Variants in HECTD4 observed in about 807,000 individuals in gnomAD.
The protein encoded by HECTD4 is HECT domain E3 ubiquitin protein ligase 4.
A neutral mutation model predicts 471.5 loss-of-function variants in HECTD4; 114 were observed. The observed-to-expected ratio is 0.24, with a 90% CI of 0.21 to 0.28. The LOEUF is 0.28. HECTD4 is among the 10% of genes least tolerant of loss of function. HECTD4 has a pLI of 1.00. For missense variants in HECTD4, 3,866 were observed against 5,651.5 expected (o/e 0.68, Z 10.13); for synonymous variants, 2,012 against 2,256.0 (o/e 0.89, Z 3.07).
intron 1 of HECTD4, among the ~76,000 whole-genome samples, chr12:112,374,468 A>C (rs930073634): frequency 6.6e-6 from 1 of 152,026 alleles, no homozygotes; most frequent in Non-Finnish European, 1.5e-5. Flanking sequence ...GCCCTCAAAT[A>C]CTTCATTCTC....
intron 1 of HECTD4, among the ~76,000 whole-genome samples, chr12:112,326,490 C>A (rs910180095): frequency 1.3e-5 from 2 of 152,012 alleles, no homozygotes; most frequent in African/African-American, 2.4e-5. Flanking sequence ...GAGACCCTGT[C>A]TCAAAAACAA....
At chr12:112,376,246 T>C (rs1427358591) in intron 1 of HECTD4, among the ~76,000 whole-genome samples, 1 of 151,908 alleles carries the variant, frequency 6.6e-6, no homozygotes, top group Non-Finnish European at 1.5e-5. Context: ...TCTGCATTCT[T>C]TTTTTTTGTT....
rs1279540243 is a variant in HECTD4 at position 112,319,567 on chromosome 12, G to A, written c.353C>T (p.Ser118Leu). The change falls in exon 2 of 76, where the codon TCA becomes TTA. Residue 118 changes from serine (S) to leucine (L), a missense_variant. Physicochemically the swap from Ser to Leu is moderately radical, Grantham distance 145. Transcript: ENST00000682272. The surrounding 1 kb of genome is among the most constrained non-coding windows in gnomAD (Gnocchi z 5.3). ...ALEEQHERESSGDEETLALLK... is the reference protein window; with the variant it reads ...ALEEQHERESLGDEETLALLK... The stretch of plus-strand genomic sequence containing the variant: ...CAGGGCCAAAGTTTCCTCATCACCT[G>A]AACTTTCCCTTTCATGCTGTTCTTC... The A allele has an allele frequency of 7.0e-7, 1 of 1,434,592 alleles. No individual in the cohort carries two copies. The highest frequency in any genetic ancestry group is 2.8e-5 in the Admixed American group (1 of 35,286). The allele number at this position is 1,434,592 out of a possible 1,614,324, so 88.9% of individuals were successfully genotyped here.
Position 112,163,636 on chromosome 12 carries a change from G to A in HECTD4, c.12803C>T (p.Ser4268Phe). The A allele has an allele frequency of 6.5e-7, 1 of 1,541,844 alleles. No homozygotes were observed. The highest frequency in any genetic ancestry group is 8.7e-7 in the Non-Finnish European group (1 of 1,143,656). ...CVTAVRAGLG[S>F]IIPLQLLTML... is the part of the protein sequence containing the mutation. ...GGTCAGCAGCTGCAGGGGGATGATG[G>A]AGCCCAGGCCGGCCCGCACGGCCGT... The change falls in exon 74 of 76, where the codon TCC becomes TTC. Residue 4268 changes from serine (S) to phenylalanine (F), a missense_variant. Coordinates refer to ENST00000682272, the MANE Select transcript of HECTD4 (RefSeq NM_001388303.1). The surrounding 1 kb of genome is among the most constrained non-coding windows in gnomAD (Gnocchi z 8.2).
chr12:112,256,005 G>A (rs983059278), intron 21 of HECTD4, among the ~76,000 whole-genome samples: 1 of 152,174 alleles, frequency 6.6e-6, no homozygotes, highest in East Asian at 1.9e-4. Context: ...CTTCAAGCAC[G>A]GAGGGAGGGC....
chr12:112,208,749 C>A lies in HECTD4; in HGVS notation c.7868-119G>T, dbSNP rs904354816. The A allele has an allele frequency of 1.5e-5, 11 of 749,072 alleles. No individual in the cohort carries two copies. In the Admixed American group the frequency reaches 2.6e-4, roughly 17 times the overall value. The allele number at this position is 749,072 out of a possible 1,614,324, so 46.4% of individuals were successfully genotyped here. A position where few individuals can be genotyped will look rare whatever the true frequency, so the allele number is the denominator to read the frequency against. ...TTGCATGATAGGAAGACTCCTAGTA[C>A]ACTGAGGAATGTTAAATCACAGAGT... On this transcript the variant is annotated intron_variant, in intron 50 of 75. Coordinates refer to ENST00000682272, the MANE Select transcript of HECTD4 (RefSeq NM_001388303.1).
chr12:112,259,924 C>T (rs1031154424), intron 18 of HECTD4, among the ~76,000 whole-genome samples: 13 of 152,026 alleles, frequency 8.6e-5, no homozygotes, highest in Non-Finnish European at 5.9e-5. Flanking sequence ...CATGCAGAAG[C>T]AGGCAGATTT....
At chr12:112,201,010 T>A in intron 54 of HECTD4, 1 of 594,412 alleles carries the variant, frequency 1.7e-6, no homozygotes, top group Non-Finnish European at 3.0e-6. Flanking sequence ...AAACACATAT[T>A]ATAAGTAATC....
At chr12:112,362,933 C>T (rs2036480935) in intron 1 of HECTD4, among the ~76,000 whole-genome samples, 1 of 152,134 alleles carries the variant, frequency 6.6e-6, no homozygotes, top group African/African-American at 2.4e-5. Context: ...AATTCCCGAC[C>T]TCATGTGGTC....
rs2033466482 is a variant in HECTD4 at position 112,234,990 on chromosome 12, C to T, written c.5915+87G>A. The stretch of plus-strand genomic sequence containing the variant: ...GGGGTGTAAAGAGGGCCGAGGCAGT[C>T]GATACATGTACAGGGCTTACTTAGC... On this transcript the variant is annotated intron_variant, in intron 37 of 75. Coordinates refer to ENST00000682272, the MANE Select transcript of HECTD4 (RefSeq NM_001388303.1). The T allele has an allele frequency of 2.3e-5, 28 of 1,215,968 alleles. 1 individual carries two copies. The highest frequency in any genetic ancestry group is 2.6e-5 in the Non-Finnish European group (23 of 879,456). 75.3% of individuals were successfully genotyped at this position (1,215,968 alleles called of 1,614,324 possible).
At chr12:112,301,811 T>A (rs201021101) in intron 7 of HECTD4, 1 of 562,592 alleles carries the variant, frequency 1.8e-6, no homozygotes. Context: ...TTTTTTTTTT[T>A]AAGGAAAATT....
At chr12:112,234,632 T>C (rs1026908804) in intron 37 of HECTD4, among the ~76,000 whole-genome samples, 7 of 152,230 alleles carry the variant, frequency 4.6e-5, no homozygotes, top group Non-Finnish European at 7.3e-5. Context: ...ATACTTCAAC[T>C]AATTAAAGAT....
chr12:112,216,873 C>T lies in HECTD4; in HGVS notation c.7285G>A (p.Asp2429Asn), dbSNP rs749595186. ...GAAACTATGGGTCCGGTGTCATCAT[C>T]GGTGTCTCCATAGGAAACGATTTCA... ...EIEIVSYGDTDDDTGPIVSFG... is the reference protein window; with the variant it reads ...EIEIVSYGDTNDDTGPIVSFG... Residue 2429 changes from aspartate (D) to asparagine (N), a missense_variant, in exon 47 of 76, where the codon GAT becomes AAT. Coordinates refer to ENST00000682272, the MANE Select transcript of HECTD4 (RefSeq NM_001388303.1). 18 of 1,613,906 alleles carry T rather than the reference C, an allele frequency of 1.1e-5. No homozygotes were observed. Among genetic ancestry groups the T allele is most frequent in the African/African-American group, 6.7e-5 (5 of 74,942 alleles).
intron 13 of HECTD4, among the ~76,000 whole-genome samples, chr12:112,268,007 G>T (rs769797578): frequency 6.6e-6 from 1 of 152,030 alleles, no homozygotes; most frequent in Non-Finnish European, 1.5e-5. Flanking sequence ...TACTTTTTTT[G>T]TAGAGACAAG....
chr12:112,232,743 T>C (rs2033412432), intron 38 of HECTD4, among the ~76,000 whole-genome samples: 1 of 152,190 alleles, frequency 6.6e-6, no homozygotes, highest in African/African-American at 2.4e-5. Flanking sequence ...TTAAACTATT[T>C]TCAACTTCAA....
chr12:112,331,187 C>T (rs1263005311), intron 1 of HECTD4, among the ~76,000 whole-genome samples: 1 of 152,152 alleles, frequency 6.6e-6, no homozygotes, highest in African/African-American at 2.4e-5. Flanking sequence ...TCTCATGCCT[C>T]AATCTCCCTA....
At chr12:112,212,363 C>A in intron 49 of HECTD4, 124 bp downstream of exon 49, 1 of 757,574 alleles carries the variant, frequency 1.3e-6, no homozygotes, top group Admixed American at 2.2e-5. Flanking sequence ...TCTGCCCTTC[C>A]TCTGCCATTG....
At chr12:112,176,479 G>T in intron 65 of HECTD4, 117 bp downstream of exon 65, 1 of 705,614 alleles carries the variant, frequency 1.4e-6, no homozygotes, top group South Asian at 1.7e-5. Flanking sequence ...CCAGAGCAGA[G>T]GCCATCCCAG....
intron 7 of HECTD4, chr12:112,302,080 C>A: frequency 1.5e-6 from 2 of 1,378,506 alleles, no homozygotes; most frequent in Non-Finnish European, 2.0e-6. Context: ...TGGTGCAGGT[C>A]TTCCTGTGGA....
Sources: allele counts gnomAD v4.1 joint callset (sites outside exome capture counted in the v4.1 genomes callset), GRCh38; gene constraint gnomAD v4.1.1; non-coding constraint Gnocchi (gnomAD v3.1); transcripts MANE v1.5; gene names NCBI Gene and HGNC (gene_info 2026-07-23, HGNC 2026-07-21).